Variants in RAB3IP observed in about 807,000 individuals in gnomAD.
RAB3IP encodes rab-3A-interacting protein.
RAB3IP carries 36 observed loss-of-function variants against 59.1 expected under a neutral mutation model. That is an observed-to-expected ratio of 0.61 (90% confidence interval 0.47 to 0.80). The LOEUF (loss-of-function observed/expected upper bound fraction) is 0.80. Among genes scored for constraint, RAB3IP ranks in the 30% least tolerant of loss-of-function variants. RAB3IP has a pLI of 0.00. For missense variants in RAB3IP, 511 were observed against 536.0 expected (o/e 0.95, Z 0.46); for synonymous variants, 207 against 191.2 (o/e 1.08, Z -0.68).
chr12:69,769,624 C>CT (rs1296043288), intron 3 of RAB3IP, among the ~76,000 whole-genome samples: 1 of 152,188 alleles, frequency 6.6e-6, no homozygotes, highest in African/African-American at 2.4e-5. Context: ...ATCCTCTAAT[C>CT]TACCATCATG....
At chr12:69,769,069 C>T (rs1872693067) in intron 3 of RAB3IP, among the ~76,000 whole-genome samples, 2 of 152,040 alleles carry the variant, frequency 1.3e-5, no homozygotes, top group African/African-American at 4.8e-5. Context: ...GGTAGTTTCC[C>T]TGCTCAATCT....
At chr12:69,798,386 G>C (rs1374559803) in intron 6 of RAB3IP, among the ~76,000 whole-genome samples, 2 of 151,244 alleles carry the variant, frequency 1.3e-5, no homozygotes, top group East Asian at 2.0e-4. Flanking sequence ...TTTTTTTCTT[G>C]TAAATTTGTT....
chr12:69,805,154 T>A (rs1428031652), intron 8 of RAB3IP, among the ~76,000 whole-genome samples: 1 of 152,254 alleles, frequency 6.6e-6, no homozygotes, highest in African/African-American at 2.4e-5. Context: ...CATTTGTTTG[T>A]ATCCTCTTTT....
chr12:69,785,125 T>G (rs1328854054), intron 4 of RAB3IP: 1 of 169,146 alleles, frequency 5.9e-6, no homozygotes, highest in Non-Finnish European at 1.3e-5. Flanking sequence ...TAACTACATA[T>G]GACTGTACAA....
chr12:69,773,209 C>T (rs1873445112), intron 3 of RAB3IP, among the ~76,000 whole-genome samples: 1 of 152,000 alleles, frequency 6.6e-6, no homozygotes, highest in Non-Finnish European at 1.5e-5. Context: ...TTTTCTCTTG[C>T]TGCTTTCAGA....
intron 1 of RAB3IP, among the ~76,000 whole-genome samples, chr12:69,741,652 A>G (rs1887357199): frequency 6.6e-6 from 1 of 152,194 alleles, no homozygotes; most frequent in Non-Finnish European, 1.5e-5. Flanking sequence ...CCTATTTTGT[A>G]GTTGAGAAAA....
chr12:69,811,024 G>A (rs7315712), intron 8 of RAB3IP, among the ~76,000 whole-genome samples: 5 of 151,914 alleles, frequency 3.3e-5, no homozygotes, highest in African/African-American at 7.3e-5. Context: ...TTTAAGAAAC[G>A]CTATACACCA....
At chr12:69,780,495 C>A (rs541293262) in intron 3 of RAB3IP, among the ~76,000 whole-genome samples, 39 of 152,334 alleles carry the variant, frequency 2.6e-4, no homozygotes, top group African/African-American at 8.9e-4. Flanking sequence ...GCTCCCTGCA[C>A]AGGTGGGGCA....
chr12:69,801,211 C>T (rs760994124), intron 7 of RAB3IP, among the ~76,000 whole-genome samples: 82 of 152,272 alleles, frequency 5.4e-4, no homozygotes, highest in Non-Finnish European at 1.1e-3. Flanking sequence ...AGAAAATATG[C>T]AGCTAATTAA....
chr12:69,771,825 TG>T, intron 3 of RAB3IP, among the ~76,000 whole-genome samples: 1 of 152,338 alleles, frequency 6.6e-6, no homozygotes, highest in Middle Eastern at 3.4e-3. Context: ...ATCATTTTGA[TG>T]ATAGCCATTC....
rs371382160 is a variant in RAB3IP at position 69,800,180 on chromosome 12, T to C, written c.889-29T>C. 8.7e-5 allele frequency: 129 copies of C among 1,483,430 alleles called. 1 individual carries two copies. Among genetic ancestry groups the C allele is most frequent in the South Asian group, 1.1e-4 (8 of 69,908 alleles). 91.9% of individuals were successfully genotyped at this position (1,483,430 alleles called of 1,614,324 possible). On this transcript the variant is annotated intron_variant, in intron 6 of 10. Transcript: ENST00000247833. ...TTTTATGTTTATACGTTTTAAAACA[T>C]GTTTTTGTGTTTTCCTTTGGTTTGT...
At position 69,779,380 on chromosome 12, in the gene RAB3IP, T is replaced by A. The variant is rs553828744; in HGVS notation, c.511-5340T>A. On this transcript the variant is annotated intron_variant, in intron 3 of 10. Coordinates refer to ENST00000247833, the MANE Select transcript of RAB3IP (RefSeq NM_022456.5). ...ATGCAGAAATCACCCGTCTTCTGCGTCGCTCACGCTGGTAGCTGTAGACCG... is the reference window on the plus strand; with the variant it reads ...ATGCAGAAATCACCCGTCTTCTGCGACGCTCACGCTGGTAGCTGTAGACCG... 1.6e-4 allele frequency among the ~76,000 whole-genome samples: 24 copies of A among 151,514 alleles called. No individual in the cohort carries two copies. The East Asian group carries it at 4.4e-3, about 27-fold the overall frequency.
In RAB3IP at chr12:69,815,673, T is replaced by G. The variant is rs901838223; in HGVS notation, c.*227T>G. On this transcript the variant is annotated 3_prime_UTR_variant, in exon 11 of 11. Coordinates refer to ENST00000247833, the MANE Select transcript of RAB3IP (RefSeq NM_022456.5). ...ATTCCAGGTGTACTAGTGAATGTAA[T>G]TTATAGTTGCCAAAAAAAAAAAAAA... 1.5e-5 allele frequency: 5 copies of G among 323,288 alleles called. No homozygotes were observed. Among genetic ancestry groups the G allele is most frequent in the Non-Finnish European group, 2.8e-5 (5 of 178,714 alleles). The allele number at this position is 323,288 out of a possible 1,614,324, so 20.0% of individuals were successfully genotyped here. A position where few individuals can be genotyped will look rare whatever the true frequency, so the allele number is the denominator to read the frequency against.
intron 4 of RAB3IP, among the ~76,000 whole-genome samples, chr12:69,786,803 GGCA>G: frequency 1.0e-5 from 1 of 98,818 alleles, no homozygotes; most frequent in South Asian, 3.3e-4. Context: ...TTAGGCAATA[GGCA>G]ATAAGTGAAA....
Position 69,761,837 on chromosome 12 carries a change from T to G in RAB3IP, c.510+5174T>G, listed in dbSNP as rs1294129506. ...AAGTTCATTTTTATTCATTTAACAC[T>G]CTGAAGCAGATGTTCATAGTTGGTA... is the stretch of plus-strand genomic sequence containing the variant. On this transcript the variant is annotated intron_variant, in intron 3 of 10. Transcript: ENST00000247833. 3.9e-5 allele frequency among the ~76,000 whole-genome samples: 6 copies of G among 152,232 alleles called. 1 individual carries two copies. Among genetic ancestry groups the G allele is most frequent in the Admixed American group, 3.9e-4 (6 of 15,288 alleles).
At chr12:69,761,931 G>T (rs1283693824) in intron 3 of RAB3IP, among the ~76,000 whole-genome samples, 1 of 152,090 alleles carries the variant, frequency 6.6e-6, no homozygotes, top group Non-Finnish European at 1.5e-5. Flanking sequence ...ATTTCTTAGG[G>T]TTTTATTGTT....
At chr12:69,773,275 T>C (rs940954198) in intron 3 of RAB3IP, among the ~76,000 whole-genome samples, 1 of 152,092 alleles carries the variant, frequency 6.6e-6, no homozygotes, top group Non-Finnish European at 1.5e-5. Flanking sequence ...CTTGGGGTAG[T>C]CTTATTTAGG....
At chr12:69,743,438 C>G (rs1887539665) in intron 1 of RAB3IP, among the ~76,000 whole-genome samples, 1 of 152,176 alleles carries the variant, frequency 6.6e-6, no homozygotes. Flanking sequence ...GTAAGACAAA[C>G]CCCTCAGTAT....
intron 8 of RAB3IP, among the ~76,000 whole-genome samples, chr12:69,805,050 G>T (rs1879028365): frequency 6.6e-6 from 1 of 152,230 alleles, no homozygotes; most frequent in Non-Finnish European, 1.5e-5. Flanking sequence ...TTGGTAGCTT[G>T]ATGGGGATGG....
Sources: allele counts gnomAD v4.1 joint callset (sites outside exome capture counted in the v4.1 genomes callset), GRCh38; gene constraint gnomAD v4.1.1; transcripts MANE v1.5; gene names NCBI Gene and HGNC (gene_info 2026-07-23, HGNC 2026-07-21).